Variants in GRIA1 observed in about 807,000 individuals in gnomAD.
The protein encoded by GRIA1 is glutamate ionotropic receptor AMPA type subunit 1.
Under a neutral mutation model 99.2 loss-of-function variants are expected in GRIA1, and 31 were observed. The observed-to-expected ratio is 0.31, with a 90% CI of 0.23 to 0.42. The LOEUF (loss-of-function observed/expected upper bound fraction) is 0.42, where lower values mean the gene tolerates loss of function less well. Among genes scored for constraint, GRIA1 ranks in the 10% least tolerant of loss-of-function variants. The probability of loss-of-function intolerance (pLI) is 1.00; values close to 1 mark genes in which losing one functional copy is unlikely to be tolerated. For missense variants in GRIA1, 782 were observed against 1,157.5 expected, an observed-to-expected ratio of 0.68 and a Z score of 4.71; for synonymous variants, 438 against 432.4, an observed-to-expected ratio of 1.01 and a Z score of -0.16.
intron 2 of GRIA1, among the ~76,000 whole-genome samples, chr5:153,555,389 C>G (rs1760537757): frequency 1.3e-5 from 2 of 151,900 alleles, no homozygotes; most frequent in Non-Finnish European, 2.9e-5. Flanking sequence ...ATTTGAGGCA[C>G]ATTATTTTAG....
intron 2 of GRIA1, among the ~76,000 whole-genome samples, chr5:153,534,672 GAGCCTC>G (rs1758398940): frequency 1.3e-5 from 2 of 152,146 alleles, no homozygotes; most frequent in African/African-American, 2.4e-5. Flanking sequence ...GTCTTGGTAT[GAGCCTC>G]AGGGTCATCA....
chr5:153,697,966 A>G, intron 8 of GRIA1, 78 bp from the exon 9 acceptor site: 2 of 673,484 alleles, frequency 3.0e-6, no homozygotes, highest in East Asian at 5.2e-5. Flanking sequence ...TGTCTCTGGT[A>G]TTGACTGGGT....
At chr5:153,622,762 A>T (rs1767180874) in intron 2 of GRIA1, among the ~76,000 whole-genome samples, 1 of 152,178 alleles carries the variant, frequency 6.6e-6, no homozygotes, top group East Asian at 1.9e-4. Flanking sequence ...TACTCCACCA[A>T]GCTCTTTGCT....
chr5:153,737,333 CA>C (rs1180644544), intron 11 of GRIA1, among the ~76,000 whole-genome samples: 3 of 146,314 alleles, frequency 2.1e-5, no homozygotes, highest in Non-Finnish European at 4.5e-5. Context: ...TCCATTTTTC[CA>C]CATATGAAAC....
At chr5:153,725,263 G>A (rs2149547771) in intron 11 of GRIA1, among the ~76,000 whole-genome samples, 1 of 151,700 alleles carries the variant, frequency 6.6e-6, no homozygotes, top group Admixed American at 6.6e-5. Context: ...AACATGGAAA[G>A]GAACAACCAG....
At chr5:153,806,684 G>A (rs1011023844) in intron 15 of GRIA1, among the ~76,000 whole-genome samples, 3 of 152,142 alleles carry the variant, frequency 2.0e-5, no homozygotes, top group African/African-American at 4.8e-5. Context: ...AGAGGAAGAG[G>A]GGCAGAAAAG....
At position 153,490,832 on chromosome 5, in the gene GRIA1, G is replaced by C. The variant is rs879132249; in HGVS notation, c.-57G>C. On this transcript the variant is annotated 5_prime_UTR_variant, in exon 1 of 16. Coordinates refer to ENST00000285900, the MANE Select transcript of GRIA1 (RefSeq NM_000827.4). ...CGAGAAGAATAAAGGGAAAGGGGGG[G>C]AAACACCAAATCTATGATTGGACCT... The C allele has an allele frequency of 8.0e-5, 100 of 1,253,268 alleles. No homozygotes were observed. The highest frequency in any genetic ancestry group is 1.9e-4 in the Middle Eastern group (1 of 5,388). The allele number at this position is 1,253,268 out of a possible 1,614,324, so 77.6% of individuals were successfully genotyped here.
At chr5:153,528,424 A>G (rs894532410) in intron 2 of GRIA1, among the ~76,000 whole-genome samples, 3 of 152,160 alleles carry the variant, frequency 2.0e-5, no homozygotes, top group African/African-American at 7.2e-5. Context: ...TTAAGGGTAC[A>G]GGCTCAGAGG....
intron 11 of GRIA1, among the ~76,000 whole-genome samples, chr5:153,730,306 C>A (rs532324928): frequency 6.6e-6 from 1 of 152,022 alleles, no homozygotes; most frequent in Non-Finnish European, 1.5e-5. Flanking sequence ...AGGTAAGGAC[C>A]TTTCTGCCTT....
intron 10 of GRIA1, among the ~76,000 whole-genome samples, chr5:153,703,120 A>G (rs1019117575): frequency 2.6e-5 from 4 of 152,206 alleles, no homozygotes; most frequent in African/African-American, 9.6e-5. Context: ...ACTGCTTTTC[A>G]CAAACCACCT....
chr5:153,605,327 A>G (rs1018738384), intron 2 of GRIA1, among the ~76,000 whole-genome samples: 7 of 152,210 alleles, frequency 4.6e-5, no homozygotes. Flanking sequence ...ATGATTGTAG[A>G]TAGGTGTAGT....
At chr5:153,772,498 A>C (rs577264054) in intron 13 of GRIA1, among the ~76,000 whole-genome samples, 1 of 152,260 alleles carries the variant, frequency 6.6e-6, no homozygotes, top group African/African-American at 2.4e-5. Flanking sequence ...TTTATAAAGA[A>C]CTTTTGTCTT....
rs1216222884 is a variant in GRIA1, at chr5:153,558,984, C to T, written c.220+64919C>T. ...TGAGAGGCAGCCTGGCTTAGGAAAACAGGCATTGGGTTAGGATTGAAGTGC... is the reference window on the plus strand; with the variant it reads ...TGAGAGGCAGCCTGGCTTAGGAAAATAGGCATTGGGTTAGGATTGAAGTGC... On this transcript the variant is annotated intron_variant, in intron 2 of 15. Coordinates refer to ENST00000285900, the MANE Select transcript of GRIA1 (RefSeq NM_000827.4). 2.0e-5 allele frequency among the ~76,000 whole-genome samples: 3 copies of T among 152,140 alleles called. No homozygotes were observed. In the East Asian group the frequency reaches 5.8e-4, roughly 29 times the overall value.
chr5:153,731,019 C>T (rs1760973425), intron 11 of GRIA1, among the ~76,000 whole-genome samples: 1 of 152,032 alleles, frequency 6.6e-6, no homozygotes, highest in South Asian at 2.1e-4. Flanking sequence ...AGTGAGAATC[C>T]TCCCTGCTTC....
At chr5:153,711,221 T>C (rs1184347357) in intron 11 of GRIA1, among the ~76,000 whole-genome samples, 1 of 152,102 alleles carries the variant, frequency 6.6e-6, no homozygotes, top group East Asian at 1.9e-4. Context: ...AAGGATTGAT[T>C]TGCATGCTAA....
chr5:153,504,318 G>GATAT (rs60461919), intron 2 of GRIA1, among the ~76,000 whole-genome samples: 3 of 149,136 alleles, frequency 2.0e-5, no homozygotes, highest in African/African-American at 7.4e-5. Context: ...AGGCAAAATA[G>GATAT]ATATATATAT....
Position 153,805,863 on chromosome 5 carries a change from C to A in GRIA1, c.2520+3373C>A, listed in dbSNP as rs114651964. 9.7e-3 allele frequency among the ~76,000 whole-genome samples: 1,476 copies of A among 152,286 alleles called. 28 individuals are homozygous for A. The highest frequency in any genetic ancestry group is 0.033 in the African/African-American group (1,377 of 41,554). On this transcript the variant is annotated intron_variant, in intron 15 of 15. Coordinates refer to ENST00000285900, the MANE Select transcript of GRIA1 (RefSeq NM_000827.4). The stretch of plus-strand genomic sequence containing the variant: ...TCTCTTGGAATCATTAATATAATGT[C>A]TTCCACCACAATCTTCTAGAATTAA...
intron 10 of GRIA1, among the ~76,000 whole-genome samples, 192 bp downstream of exon 10, chr5:153,699,265 T>C (rs1758336268): frequency 6.6e-6 from 1 of 152,208 alleles, no homozygotes; most frequent in Non-Finnish European, 1.5e-5. Flanking sequence ...TGGTCCCAGG[T>C]CCCTCAATCC....
intron 11 of GRIA1, among the ~76,000 whole-genome samples, chr5:153,741,933 T>TAA (rs772744445): frequency 0.025 from 2,517 of 100,614 alleles, 84 homozygotes; most frequent in African/African-American, 0.092. Flanking sequence ...AAAGCTTTTT[T>TAA]TAAAAAAAAA....
Sources: allele counts gnomAD v4.1 joint callset (sites outside exome capture counted in the v4.1 genomes callset), GRCh38; gene constraint gnomAD v4.1.1; transcripts MANE v1.5; gene names NCBI Gene and HGNC (gene_info 2026-07-23, HGNC 2026-07-21).